Variants in SLC16A10 observed in about 807,000 individuals in gnomAD.
The protein encoded by SLC16A10 is solute carrier family 16 member 10, also known as monocarboxylate transporter 10.
Under a neutral mutation model 40.0 loss-of-function variants are expected in SLC16A10, and 27 were observed. That is an observed-to-expected ratio of 0.67 (90% CI 0.50 to 0.93). The LOEUF (loss-of-function observed/expected upper bound fraction) is 0.93, where lower values mean the gene tolerates loss of function less well. Among genes scored for constraint, SLC16A10 ranks in the 40% least tolerant of loss-of-function variants. SLC16A10 has a pLI of 0.00. For missense variants in SLC16A10, 529 were observed against 658.2 expected (o/e 0.80, Z 2.15); for synonymous variants, 213 against 249.8 (o/e 0.85, Z 1.39).
intron 1 of SLC16A10, among the ~76,000 whole-genome samples, chr6:111,107,070 G>A (rs1368662534): frequency 1.3e-5 from 2 of 152,008 alleles, no homozygotes; most frequent in South Asian, 2.1e-4. Flanking sequence ...TGAACTAGTC[G>A]ACATTGTTTC....
At chr6:111,149,404 G>A (rs1234420389) in intron 1 of SLC16A10, among the ~76,000 whole-genome samples, 2 of 152,210 alleles carry the variant, frequency 1.3e-5, no homozygotes, top group East Asian at 3.8e-4. Context: ...CATTCTCAGT[G>A]TAGGCTGTTT....
At chr6:111,098,440 TA>T (rs1334353276) in intron 1 of SLC16A10, among the ~76,000 whole-genome samples, 8 of 152,300 alleles carry the variant, frequency 5.3e-5, no homozygotes, top group African/African-American at 1.2e-4. Context: ...GTAAAATTTT[TA>T]AAAAGAGTAA....
chr6:111,106,577 G>C (rs1032009512), intron 1 of SLC16A10, among the ~76,000 whole-genome samples: 2 of 152,130 alleles, frequency 1.3e-5, no homozygotes, highest in African/African-American at 4.8e-5. Context: ...TATTATTTAC[G>C]GTTACTTGAG....
chr6:111,183,278 C>T (rs543767887), intron 3 of SLC16A10, among the ~76,000 whole-genome samples: 14 of 152,272 alleles, frequency 9.2e-5, no homozygotes, highest in Admixed American at 3.9e-4. Context: ...ATTCACAAAC[C>T]GCTCCTATTA....
At chr6:111,155,507 CAT>C (rs1335089110) in intron 1 of SLC16A10, among the ~76,000 whole-genome samples, 6 of 152,074 alleles carry the variant, frequency 3.9e-5, no homozygotes, top group Non-Finnish European at 8.8e-5. Flanking sequence ...GCCCAAAAAA[CAT>C]AATAATGTGG....
chr6:111,222,178 C>T lies in SLC16A10; in HGVS notation c.1491C>T (p.Asn497=), dbSNP rs761444142. The change falls in exon 6 of 6, where the codon AAC becomes AAT. Residue 497 remains asparagine (N), a synonymous_variant. Transcript: ENST00000368851. ...TGGAGAAAATGTTGGAAAACCAGAA[C>T]TCTCTGCTGTCAAGTTCATCTGGAA... ...EKMEKMLENQ[N]SLLSSSSGMF... 1.9e-6 allele frequency: 3 copies of T among 1,607,042 alleles called. No individual in the cohort carries two copies. The highest frequency in any genetic ancestry group is 2.7e-5 in the African/African-American group (2 of 74,250).
intron 2 of SLC16A10, 71 bp from the exon 3 acceptor site, chr6:111,177,141 A>G: frequency 9.1e-7 from 1 of 1,097,780 alleles, no homozygotes; most frequent in Non-Finnish European, 1.2e-6. Context: ...CTTATACTAT[A>G]AGATTTTATT....
rs556466979 is a variant in SLC16A10, at chr6:111,196,364, A to T, written c.943-10228A>T. 7.9e-5 allele frequency among the ~76,000 whole-genome samples: 12 copies of T among 152,236 alleles called. No homozygotes were observed. In the South Asian group the frequency reaches 2.3e-3, roughly 29 times the overall value. ...AAAAAATAAAAATAAAAATAAATAA[A>T]AATTAGCTGAGCATAGTGGCATGTG... On this transcript the variant is annotated intron_variant, in intron 3 of 5. Transcript: ENST00000368851.
At chr6:111,143,942 C>T (rs7767302) in intron 1 of SLC16A10, among the ~76,000 whole-genome samples, 124,863 of 151,956 alleles carry the variant, frequency 0.82, 51,469 homozygotes, top group Non-Finnish European at 0.86. Context: ...TGGTCAGCAT[C>T]GTGAGGCCCT....
At chr6:111,131,185 C>T (rs1304108931) in intron 1 of SLC16A10, among the ~76,000 whole-genome samples, 1 of 152,240 alleles carries the variant, frequency 6.6e-6, no homozygotes, top group East Asian at 1.9e-4. Flanking sequence ...CGCTGACTTC[C>T]ACCCCTCTGG....
intron 3 of SLC16A10, among the ~76,000 whole-genome samples, chr6:111,197,849 C>T (rs964500502): frequency 6.6e-6 from 1 of 152,142 alleles, no homozygotes; most frequent in Admixed American, 6.6e-5. Flanking sequence ...CAATAACTCA[C>T]TTATCACCAA....
intron 1 of SLC16A10, among the ~76,000 whole-genome samples, chr6:111,090,464 C>T (rs1168254057): frequency 1.3e-5 from 2 of 152,160 alleles, no homozygotes; most frequent in African/African-American, 4.8e-5. Flanking sequence ...ATGGCCATTA[C>T]TTGGGTGCTA....
At chr6:111,155,418 T>A (rs963274211) in intron 1 of SLC16A10, among the ~76,000 whole-genome samples, 1 of 151,964 alleles carries the variant, frequency 6.6e-6, no homozygotes, top group Admixed American at 6.6e-5. Flanking sequence ...CAGGCTGGTC[T>A]CAAACTCCTG....
intron 1 of SLC16A10, among the ~76,000 whole-genome samples, chr6:111,146,801 A>G (rs181016765): frequency 0.011 from 1,662 of 152,338 alleles, 7 homozygotes; most frequent in African/African-American, 0.022. Context: ...TATTCCAATA[A>G]ACATGCCCAT....
At chr6:111,107,601 TA>T (rs1771306580) in intron 1 of SLC16A10, among the ~76,000 whole-genome samples, 1 of 152,198 alleles carries the variant, frequency 6.6e-6, no homozygotes, top group Non-Finnish European at 1.5e-5. Context: ...CATGAAATTT[TA>T]AACAAGTGGG....
intron 3 of SLC16A10, among the ~76,000 whole-genome samples, chr6:111,188,250 TCTCCCTCTCTCCCTC>T (rs1248511477): frequency 1.1e-4 from 11 of 102,448 alleles, no homozygotes; most frequent in Non-Finnish European, 1.9e-4. Context: ...TTACTTTCTC[TCTCCCTCTCTCCCTC>T]TCTCCCTCTC....
chr6:111,206,490 G>A, intron 3 of SLC16A10, 102 bp from the exon 4 acceptor site: 1 of 1,258,172 alleles, frequency 7.9e-7, no homozygotes, highest in Non-Finnish European at 1.1e-6. Flanking sequence ...AAAGTTGCAA[G>A]CCCATAACAT....
At chr6:111,118,445 G>T (rs953979820) in intron 1 of SLC16A10, among the ~76,000 whole-genome samples, 5 of 152,120 alleles carry the variant, frequency 3.3e-5, no homozygotes, top group Non-Finnish European at 5.9e-5. Flanking sequence ...ACTTTGGGAG[G>T]CCGAGGCGGG....
At position 111,225,797 on chromosome 6, in the gene SLC16A10, A is replaced by T. The variant is rs528070348; in HGVS notation, c.*3562A>T. On this transcript the variant is annotated 3_prime_UTR_variant, in exon 6 of 6. Transcript: ENST00000368851. ...GGCTCTGAGGAGTTCCTGCTGGTGCACTTTCATGCCCTTTCTTATGTACCT... is the reference window on the plus strand; with the variant it reads ...GGCTCTGAGGAGTTCCTGCTGGTGCTCTTTCATGCCCTTTCTTATGTACCT... 3 of 152,138 alleles carry T rather than the reference A, an allele frequency of 2.0e-5. No individual in the cohort carries two copies. The highest frequency in any genetic ancestry group is 2.0e-4 in the Admixed American group (3 of 15,262). The allele number at this position is 152,138 out of a possible 1,614,324, so 9.4% of individuals were successfully genotyped here.
Sources: gnomAD v4.1 joint callset for allele counts (sites outside exome capture counted in the v4.1 genomes callset) on GRCh38, gnomAD v4.1.1 for gene constraint, MANE v1.5 for transcripts, NCBI Gene and HGNC (gene_info 2026-07-23, HGNC 2026-07-21) for gene names.